Variants in FANCL observed in about 807,000 individuals in gnomAD.
The protein encoded by FANCL is E3 ubiquitin-protein ligase FANCL.
Under a neutral mutation model 59.4 loss-of-function variants are expected in FANCL, and 69 were observed. The observed-to-expected ratio is 1.16, with a 90% CI of 0.96 to 1.42. The LOEUF is 1.42. Among genes scored for constraint, FANCL ranks in the 40% most tolerant of loss-of-function variants. The pLI, the probability that FANCL is intolerant of heterozygous loss-of-function variation, is 0.00. For missense variants in FANCL, 519 were observed against 447.2 expected (o/e 1.16, Z -1.45); for synonymous variants, 180 against 147.1 (o/e 1.22, Z -1.62).
At chr2:58,178,499 G>C (rs1687594350) in intron 7 of FANCL, among the ~76,000 whole-genome samples, 1 of 152,112 alleles carries the variant, frequency 6.6e-6, no homozygotes, top group Non-Finnish European at 1.5e-5. Context: ...TATCTCAATA[G>C]ATGCAGAAAA....
chr2:58,167,206 G>A (rs138302416), intron 7 of FANCL, among the ~76,000 whole-genome samples: 6,441 of 152,090 alleles, frequency 0.042, 376 homozygotes, highest in African/African-American at 0.13. Context: ...GCTAGACTCC[G>A]TCTCAAAAAG....
chr2:58,165,080 TTATC>T lies in FANCL; in HGVS notation c.691+640_691+643del, dbSNP rs976561970. ...TATTTAATGTGAGCTTAAATATAGT[TTATC>T]TAAAATCTTGAGAAAGGCTGAAGTC... On this transcript the variant is annotated intron_variant, in intron 8 of 13. Coordinates refer to ENST00000233741, the MANE Select transcript of FANCL (RefSeq NM_018062.4). 5.3e-5 allele frequency among the ~76,000 whole-genome samples: 8 copies of T among 152,248 alleles called. No homozygotes were observed. The East Asian group carries it at 1.2e-3, about 22-fold the overall frequency.
At chr2:58,227,079 T>G (rs889490341) in intron 3 of FANCL, among the ~76,000 whole-genome samples, 1 of 152,198 alleles carries the variant, frequency 6.6e-6, no homozygotes, top group South Asian at 2.1e-4. Context: ...CTGAATCCCT[T>G]GTCCCCCTTG....
At chr2:58,231,434 C>T (rs1271141507) in intron 2 of FANCL, among the ~76,000 whole-genome samples, 1 of 152,192 alleles carries the variant, frequency 6.6e-6, no homozygotes, top group East Asian at 1.9e-4. Flanking sequence ...GCTTAGAGAT[C>T]TGAGCCGGGA....
At chr2:58,167,945 A>T (rs927112526) in intron 7 of FANCL, among the ~76,000 whole-genome samples, 2 of 152,166 alleles carry the variant, frequency 1.3e-5, no homozygotes, top group South Asian at 4.1e-4. Flanking sequence ...TAAATCACTA[A>T]AAACCCTTAT....
intron 7 of FANCL, among the ~76,000 whole-genome samples, chr2:58,185,112 A>G (rs1012503683): frequency 1.3e-5 from 2 of 152,130 alleles, no homozygotes; most frequent in African/African-American, 2.4e-5. Flanking sequence ...TAACAGGGAA[A>G]TATTCCCTGA....
At chr2:58,173,054 G>A (rs571919257) in intron 7 of FANCL, among the ~76,000 whole-genome samples, 2 of 152,308 alleles carry the variant, frequency 1.3e-5, no homozygotes, top group South Asian at 2.1e-4. Context: ...AAGATGAAGT[G>A]AATGAAATGA....
chr2:58,203,625 T>C (rs1256172537), intron 6 of FANCL, among the ~76,000 whole-genome samples: 1 of 152,030 alleles, frequency 6.6e-6, no homozygotes, highest in East Asian at 1.9e-4. Flanking sequence ...AATAGAGGCA[T>C]AACCTCTGCA....
At chr2:58,191,574 A>T (rs1251657046) in intron 7 of FANCL, among the ~76,000 whole-genome samples, 1 of 151,914 alleles carries the variant, frequency 6.6e-6, no homozygotes, top group East Asian at 1.9e-4. Flanking sequence ...TTCATTAATC[A>T]TCCCTATTTC....
rs1558741411 is a variant in FANCL at position 58,165,852 on chromosome 2, CT to C, written c.562del (p.Ser188ValfsTer7). The C allele has an allele frequency of 6.2e-7, 1 of 1,613,952 alleles. No homozygotes were observed. The highest frequency in any genetic ancestry group is 1.1e-5 in the South Asian group (1 of 91,064). On this transcript the variant is annotated frameshift_variant, in exon 8 of 14. Coordinates refer to ENST00000233741, the MANE Select transcript of FANCL (RefSeq NM_018062.4). LOFTEE classifies it high-confidence loss of function. The part of the protein sequence containing the change: ...TPQSSLISIY[S>X]QFLAAIESLK... Reference sequence around the variant, plus strand: ...TGATTCTATTGCTGCCAAAAACTGACTATAAATGCTTATTAAGGAGCTCTGT... The same window carrying C: ...TGATTCTATTGCTGCCAAAAACTGACATAAATGCTTATTAAGGAGCTCTGT...
intron 12 of FANCL, 123 bp downstream of exon 12, chr2:58,161,399 G>T: frequency 1.3e-6 from 1 of 748,754 alleles, no homozygotes; most frequent in Non-Finnish European, 2.5e-6. Flanking sequence ...GGTAAAAGGA[G>T]TTAATGGCAA....
At chr2:58,171,977 C>G (rs1309755184) in intron 7 of FANCL, among the ~76,000 whole-genome samples, 1 of 152,208 alleles carries the variant, frequency 6.6e-6, no homozygotes, top group African/African-American at 2.4e-5. Context: ...AGTCCTACGC[C>G]CACGGAGCCT....
At chr2:58,212,334 C>T (rs991579721) in intron 5 of FANCL, among the ~76,000 whole-genome samples, 9 of 152,110 alleles carry the variant, frequency 5.9e-5, no homozygotes, top group Admixed American at 2.0e-4. Context: ...AAACTGCCCC[C>T]GTGATTAAAT....
chr2:58,232,940 T>A (rs1188340582), intron 1 of FANCL, among the ~76,000 whole-genome samples: 2 of 151,998 alleles, frequency 1.3e-5, no homozygotes. Context: ...ACAATTACCA[T>A]GTGGAATTTT....
intron 12 of FANCL, among the ~76,000 whole-genome samples, chr2:58,160,789 G>A (rs951433328): frequency 6.6e-6 from 1 of 151,980 alleles, no homozygotes; most frequent in African/African-American, 2.4e-5. Flanking sequence ...AGATGCCTCT[G>A]CCTAAGTTCT....
chr2:58,185,572 A>G (rs1458907103), intron 7 of FANCL, among the ~76,000 whole-genome samples: 2 of 152,170 alleles, frequency 1.3e-5, no homozygotes, highest in Non-Finnish European at 1.5e-5. Flanking sequence ...CTGAAGCACC[A>G]TCAGTTGCTT....
rs1685166989 is a variant in FANCL at position 58,161,524 on chromosome 2, C to CT, written c.1017_1018insA (p.Glu340ArgfsTer9). 6.4e-7 allele frequency: 1 copy of CT among 1,570,842 alleles called. No homozygotes were observed. Among genetic ancestry groups the CT allele is most frequent in the Admixed American group, 1.7e-5 (1 of 59,868 alleles). On this transcript the variant is annotated frameshift_variant, in exon 12 of 14. Transcript: ENST00000233741. LOFTEE classifies it high-confidence loss of function. Reference sequence around the variant, plus strand: ...TTGACAATATTTTTATTTTTTACCTCATATAAGCATATTTGATGGAAAGGT... The same window carrying CT: ...TTGACAATATTTTTATTTTTTACCTCTATATAAGCATATTTGATGGAAAGGT...
intron 8 of FANCL, among the ~76,000 whole-genome samples, chr2:58,163,999 A>G (rs1189608784): frequency 6.6e-6 from 1 of 152,042 alleles, no homozygotes; most frequent in Non-Finnish European, 1.5e-5. Flanking sequence ...AAATTTATAA[A>G]AACATTTTCT....
chr2:58,211,152 A>C (rs1312240980), intron 5 of FANCL, among the ~76,000 whole-genome samples: 1 of 152,206 alleles, frequency 6.6e-6, no homozygotes, highest in Non-Finnish European at 1.5e-5. Flanking sequence ...CCACCCCTGC[A>C]GCAAACTTCT....
Sources: gnomAD v4.1 joint callset for allele counts (sites outside exome capture counted in the v4.1 genomes callset) on GRCh38, gnomAD v4.1.1 for gene constraint, MANE v1.5 for transcripts, NCBI Gene and HGNC (gene_info 2026-07-23, HGNC 2026-07-21) for gene names.